ANKS1B: variants seen among roughly 807,000 people sequenced by gnomAD.
ANKS1B encodes the protein ankyrin repeat and sterile alpha motif domain-containing protein 1B.
In ANKS1B, 36 loss-of-function variants were observed where a neutral mutation model predicts 148.3. The ratio of observed to expected loss-of-function variants is 0.24; its 90% CI spans 0.19 to 0.32. The LOEUF (loss-of-function observed/expected upper bound fraction) is 0.32, where lower values mean the gene tolerates loss of function less well. Among genes scored for constraint, ANKS1B ranks in the 10% least tolerant of loss-of-function variants. The pLI, the probability that ANKS1B is intolerant of heterozygous loss-of-function variation, is 1.00. For synonymous variants in ANKS1B, 542 were observed against 560.8 expected (o/e 0.97, Z 0.47); for missense variants, 1,157 against 1,542.6 (o/e 0.75, Z 4.19).
At chr12:99,058,866 T>C (rs963545369) in intron 16 of ANKS1B, among the ~76,000 whole-genome samples, 1 of 150,222 alleles carries the variant, frequency 6.7e-6, no homozygotes, top group African/African-American at 2.5e-5. Flanking sequence ...GCCTCCCGAG[T>C]AGCTGGGACT....
At chr12:99,510,037 G>A (rs528931914) in intron 9 of ANKS1B, among the ~76,000 whole-genome samples, 1 of 152,044 alleles carries the variant, frequency 6.6e-6, no homozygotes, top group East Asian at 1.9e-4. Context: ...CAGCATGTCT[G>A]TTTACAGCAT....
At chr12:99,842,898 C>T (rs1269321728) in intron 1 of ANKS1B, among the ~76,000 whole-genome samples, 1 of 152,114 alleles carries the variant, frequency 6.6e-6, no homozygotes, top group East Asian at 1.9e-4. Flanking sequence ...TTGCATAATT[C>T]AAACCATCAA....
chr12:99,376,997 C>A (rs904406230), intron 12 of ANKS1B, among the ~76,000 whole-genome samples: 6 of 151,552 alleles, frequency 4.0e-5, no homozygotes, highest in Middle Eastern at 3.4e-3. Flanking sequence ...ACACACACAC[C>A]CCACCCACAC....
intron 14 of ANKS1B, among the ~76,000 whole-genome samples, chr12:99,174,720 C>G (rs2078173141): frequency 6.6e-6 from 1 of 152,134 alleles, no homozygotes; most frequent in East Asian, 1.9e-4. Context: ...AATCCAGAAT[C>G]AAGCTGCAAC....
intron 14 of ANKS1B, among the ~76,000 whole-genome samples, chr12:99,226,678 T>A (rs1720230665): frequency 6.6e-6 from 1 of 152,178 alleles, no homozygotes; most frequent in South Asian, 2.1e-4. Context: ...CGTGGAAATG[T>A]CCTTTGTGGT....
intron 9 of ANKS1B, among the ~76,000 whole-genome samples, chr12:99,635,636 C>T (rs1317114778): frequency 1.3e-5 from 2 of 151,988 alleles, no homozygotes; most frequent in African/African-American, 4.8e-5. Flanking sequence ...TTAATGGGTA[C>T]AGAGTTTCAG....
At chr12:99,827,114 G>C (rs1399644757) in intron 1 of ANKS1B, among the ~76,000 whole-genome samples, 1 of 151,604 alleles carries the variant, frequency 6.6e-6, no homozygotes, top group Non-Finnish European at 1.5e-5. Flanking sequence ...GCAAGACCCT[G>C]CCACCCCCAC....
chr12:99,251,981 C>T (rs1388717182), intron 12 of ANKS1B, among the ~76,000 whole-genome samples: 1 of 151,966 alleles, frequency 6.6e-6, no homozygotes, highest in Non-Finnish European at 1.5e-5. Flanking sequence ...GAAAAGATGA[C>T]TACAGGCAAA....
chr12:99,617,634 T>C (rs1156235560), intron 9 of ANKS1B, among the ~76,000 whole-genome samples: 1 of 151,830 alleles, frequency 6.6e-6, no homozygotes, highest in Non-Finnish European at 1.5e-5. Context: ...ACTGGGGCCT[T>C]TCAGGGGTTG....
chr12:99,928,740 C>G (rs537005663), intron 1 of ANKS1B, among the ~76,000 whole-genome samples: 1 of 152,348 alleles, frequency 6.6e-6, no homozygotes, highest in Non-Finnish European at 1.5e-5. Flanking sequence ...CACATATACA[C>G]TTCAAAAACA....
chr12:98,998,143 G>A (rs1213923355), intron 17 of ANKS1B, among the ~76,000 whole-genome samples: 2 of 152,130 alleles, frequency 1.3e-5, no homozygotes, highest in Non-Finnish European at 2.9e-5. Context: ...CACTGTGTCT[G>A]GCACTGTGGG....
chr12:98,807,540 T>TTTTC (rs1474022266), intron 20 of ANKS1B, among the ~76,000 whole-genome samples: 3 of 152,138 alleles, frequency 2.0e-5, no homozygotes, highest in African/African-American at 7.2e-5. Context: ...CAATTTACCC[T>TTTTC]TTTCTTTTTC....
chr12:99,300,164 G>C (rs1313012316), intron 12 of ANKS1B, among the ~76,000 whole-genome samples: 1 of 152,110 alleles, frequency 6.6e-6, no homozygotes, highest in Non-Finnish European at 1.5e-5. Context: ...GTATTAAAAG[G>C]AGTAAAATTG....
intron 11 of ANKS1B, among the ~76,000 whole-genome samples, chr12:99,436,670 G>A (rs2095466012): frequency 6.6e-6 from 1 of 151,998 alleles, no homozygotes; most frequent in South Asian, 2.1e-4. Flanking sequence ...ATGGCAGGGA[G>A]AGGTGCTATG....
intron 17 of ANKS1B, among the ~76,000 whole-genome samples, chr12:98,842,108 A>T (rs992474378): frequency 6.6e-6 from 1 of 152,230 alleles, no homozygotes; most frequent in African/African-American, 2.4e-5. Context: ...ATGCCCACAT[A>T]AAGATGTGTA....
intron 25 of ANKS1B, among the ~76,000 whole-genome samples, chr12:98,758,585 T>C (rs904309518): frequency 6.6e-6 from 1 of 152,016 alleles, no homozygotes; most frequent in African/African-American, 2.4e-5. Context: ...TCTTCATCTT[T>C]GGCTTCCCCA....
At chr12:99,410,591 C>T (rs982775029) in intron 11 of ANKS1B, among the ~76,000 whole-genome samples, 2 of 152,140 alleles carry the variant, frequency 1.3e-5, no homozygotes, top group African/African-American at 4.8e-5. Flanking sequence ...ATGGCGTGAA[C>T]CTGGGAGGGG....
intron 9 of ANKS1B, among the ~76,000 whole-genome samples, chr12:99,567,000 T>C (rs192106608): frequency 3.8e-4 from 58 of 152,252 alleles, no homozygotes; most frequent in African/African-American, 1.3e-3. Context: ...CAACACTCAG[T>C]CAGTTTCTCC....
chr12:99,312,780 G>A lies in ANKS1B; in HGVS notation c.1757-65916C>T, dbSNP rs117169504. ...GCATAGAATGTTGGCTTTGTGTTAAGAGGGAAATTTATAGCATTAAATGCC... is the reference window on the plus strand; with the variant it reads ...GCATAGAATGTTGGCTTTGTGTTAAAAGGGAAATTTATAGCATTAAATGCC... On this transcript the variant is annotated intron_variant, in intron 12 of 26. Transcript: ENST00000683438. 6.8e-4 allele frequency among the ~76,000 whole-genome samples: 104 copies of A among 152,262 alleles called. 2 individuals are homozygous for A. In the East Asian group the frequency reaches 0.016, roughly 23 times the overall value.
Sources: allele counts gnomAD v4.1 joint callset (sites outside exome capture counted in the v4.1 genomes callset), GRCh38; gene constraint gnomAD v4.1.1; transcripts MANE v1.5; gene names NCBI Gene and HGNC (gene_info 2026-07-23, HGNC 2026-07-21).